Variants in DYM observed in about 807,000 individuals in gnomAD.
The protein encoded by DYM is dyggve-Melchior-Clausen syndrome protein.
Under a neutral mutation model 93.1 loss-of-function variants are expected in DYM, and 78 were observed. The ratio of observed to expected loss-of-function variants is 0.84; its 90% CI spans 0.70 to 1.01. DYM has a LOEUF of 1.01. DYM is among the 50% of genes least tolerant of loss of function. The pLI is 0.00. For synonymous variants in DYM, 321 were observed against 319.7 expected (o/e 1.00, Z -0.04); for missense variants, 789 against 845.0 (o/e 0.93, Z 0.82).
chr18:49,232,701 C>A (rs1443922343), intron 13 of DYM, among the ~76,000 whole-genome samples: 8 of 149,144 alleles, frequency 5.4e-5, no homozygotes, highest in Non-Finnish European at 1.0e-4. Context: ...CTCTGCGTCC[C>A]GGGTTCAAGC....
Position 49,288,801 on chromosome 18 carries a change from C to G in DYM, c.764-2185G>C, listed in dbSNP as rs549550733. 4.0e-5 allele frequency among the ~76,000 whole-genome samples: 6 copies of G among 151,246 alleles called. No individual in the cohort carries two copies. The South Asian group carries it at 1.3e-3, about 32-fold the overall frequency. ...TCTCAAAAAAAAACAAAAAACAAAA[C>G]AAAAACAAAAAAAAGTCAAATGTCT... On this transcript the variant is annotated intron_variant, in intron 8 of 17. Transcript: ENST00000675505.
chr18:49,239,000 A>G (rs936530719), intron 13 of DYM, among the ~76,000 whole-genome samples: 1 of 152,170 alleles, frequency 6.6e-6, no homozygotes, highest in East Asian at 1.9e-4. Flanking sequence ...CACTGCCACA[A>G]GATAACACAG....
chr18:49,365,326 G>A (rs1158404203), intron 5 of DYM, among the ~76,000 whole-genome samples: 1 of 152,002 alleles, frequency 6.6e-6, no homozygotes, highest in East Asian at 1.9e-4. Flanking sequence ...CACAGCAATC[G>A]ATGCTAAAAA....
At chr18:49,179,133 A>G (rs2089673557) in intron 14 of DYM, among the ~76,000 whole-genome samples, 1 of 152,118 alleles carries the variant, frequency 6.6e-6, no homozygotes, top group African/African-American at 2.4e-5. Context: ...GAGAGCCAGA[A>G]CAACTCTGGT....
At chr18:49,339,494 G>C (rs751052443) in intron 6 of DYM, among the ~76,000 whole-genome samples, 5 of 152,052 alleles carry the variant, frequency 3.3e-5, no homozygotes, top group Non-Finnish European at 7.4e-5. Flanking sequence ...CTTGCTGTAG[G>C]CTAACATACT....
chr18:49,354,530 A>G (rs745998411), intron 6 of DYM, among the ~76,000 whole-genome samples: 1 of 152,132 alleles, frequency 6.6e-6, no homozygotes, highest in Non-Finnish European at 1.5e-5. Context: ...AAACACTTGC[A>G]GAAGACATAT....
At position 49,440,220 on chromosome 18, in the gene DYM, C is replaced by T. The variant is rs369886380; in HGVS notation, c.-53-9773G>A. ...ATGATAACCAAATTCTGTTCTAACA[C>T]CCTCAAAATGTGTAAATGATGCCCT... On this transcript the variant is annotated intron_variant, in intron 1 of 17. Coordinates refer to ENST00000675505, the MANE Select transcript of DYM (RefSeq NM_001353214.3). Among the ~76,000 whole-genome samples, 65 of 142,268 alleles carry T rather than the reference C, an allele frequency of 4.6e-4. 5 individuals carry two copies. The South Asian group carries it at 0.014, about 31-fold the overall frequency. The allele number at this position is 142,268 out of a possible 152,430, so 93.3% of individuals were successfully genotyped here.
intron 13 of DYM, among the ~76,000 whole-genome samples, chr18:49,228,326 A>C (rs972915751): frequency 8.5e-5 from 13 of 152,176 alleles, no homozygotes; most frequent in Non-Finnish European, 1.5e-5. Context: ...CCATAAACAT[A>C]AAATTACTTC....
intron 10 of DYM, among the ~76,000 whole-genome samples, chr18:49,281,577 G>C (rs898419357): frequency 6.6e-6 from 1 of 152,162 alleles, no homozygotes; most frequent in Non-Finnish European, 1.5e-5. Context: ...TGATAGACTG[G>C]ATTAAGAAAA....
intron 2 of DYM, among the ~76,000 whole-genome samples, chr18:49,423,972 A>G (rs2074004973): frequency 6.6e-6 from 1 of 152,168 alleles, no homozygotes; most frequent in South Asian, 2.1e-4. Context: ...AGAGGTACAA[A>G]GAGGAGCTGG....
chr18:49,423,250 C>T (rs915178149), intron 2 of DYM, among the ~76,000 whole-genome samples: 3 of 152,152 alleles, frequency 2.0e-5, no homozygotes, highest in African/African-American at 7.2e-5. Flanking sequence ...TCACTCAAAA[C>T]CGCTCAACTA....
chr18:49,282,112 G>A lies in DYM; in HGVS notation c.1010C>T (p.Thr337Ile). ...AFQINFNSLYTALCEQQTSDQ... is the reference protein window; with the variant it reads ...AFQINFNSLYIALCEQQTSDQ... Reference sequence around the variant, plus strand: ...AGATGTCTGCTGTTCACAAAGAGCTGTGTACAAACTATTAAAGTTGATCTG... The same window carrying A: ...AGATGTCTGCTGTTCACAAAGAGCTATGTACAAACTATTAAAGTTGATCTG... The change falls in exon 10 of 18, where the codon ACA (threonine) becomes ATA (isoleucine). Residue 337 changes from threonine to isoleucine, a missense_variant. Thr to Ile is a moderately conservative substitution (Grantham distance 89). This residue lies in a region of DYM where 450 missense variants were observed against 436.2 expected (regional missense o/e 1.03). Transcript: ENST00000675505. 6.2e-7 allele frequency: 1 copy of A among 1,613,930 alleles called. No homozygotes were observed.
intron 13 of DYM, among the ~76,000 whole-genome samples, chr18:49,246,595 T>A (rs2094174187): frequency 1.3e-5 from 2 of 152,228 alleles, no homozygotes. Flanking sequence ...CTTGGACTGG[T>A]CACATAACTC....
At chr18:49,269,318 G>A (rs1317963564) in intron 11 of DYM, among the ~76,000 whole-genome samples, 7 of 152,110 alleles carry the variant, frequency 4.6e-5, no homozygotes, top group African/African-American at 1.4e-4. Flanking sequence ...TAACAAGTAC[G>A]GGAGGGGATG....
chr18:49,331,546 A>C (rs1476920857), intron 8 of DYM, among the ~76,000 whole-genome samples: 1 of 152,256 alleles, frequency 6.6e-6, no homozygotes, highest in Non-Finnish European at 1.5e-5. Context: ...TAATACAAGT[A>C]GTGTTATAAG....
At chr18:49,156,380 T>C (rs1048827917) in intron 15 of DYM, among the ~76,000 whole-genome samples, 11 of 151,254 alleles carry the variant, frequency 7.3e-5, no homozygotes, top group East Asian at 1.9e-4. Flanking sequence ...CAGCAAATGA[T>C]GAGAAAAGAG....
chr18:49,236,760 G>A (rs116341487), intron 13 of DYM, among the ~76,000 whole-genome samples: 1,616 of 152,286 alleles, frequency 0.011, 28 homozygotes, highest in African/African-American at 0.037. Context: ...CGTAGGAGCC[G>A]GGCCTGCAGA....
chr18:49,058,726 T>C (rs1048335744), intron 17 of DYM, among the ~76,000 whole-genome samples: 2 of 152,164 alleles, frequency 1.3e-5, no homozygotes, highest in Admixed American at 6.5e-5. Flanking sequence ...ACATTGAGAG[T>C]TACCTTGGAA....
At chr18:49,351,792 A>G (rs1403915601) in intron 6 of DYM, among the ~76,000 whole-genome samples, 1 of 152,238 alleles carries the variant, frequency 6.6e-6, no homozygotes, top group South Asian at 2.1e-4. Context: ...AAGGACTAAT[A>G]CTTTCTTCAA....
Sources: gnomAD v4.1 joint callset for allele counts (sites outside exome capture counted in the v4.1 genomes callset) on GRCh38, gnomAD v4.1.1 for gene constraint, gnomAD v4.1.1 regional missense constraint, MANE v1.5 for transcripts, NCBI Gene and HGNC (gene_info 2026-07-23, HGNC 2026-07-21) for gene names.